Variants in ADAT1 observed in about 807,000 individuals in gnomAD.
ADAT1 encodes the protein tRNA-specific adenosine deaminase 1.
Under a neutral mutation model 58.6 loss-of-function variants are expected in ADAT1, and 58 were observed. The observed-to-expected ratio is 0.99, with a 90% CI of 0.80 to 1.23. The LOEUF is 1.23. Ranked by LOEUF, ADAT1 falls within the 50% of genes most tolerant of loss-of-function variation. The pLI, the probability that ADAT1 is intolerant of heterozygous loss-of-function variation, is 0.00. For synonymous variants in ADAT1, 254 were observed against 220.8 expected, an observed-to-expected ratio of 1.15 and a Z score of -1.33; for missense variants, 741 against 608.6, an observed-to-expected ratio of 1.22 and a Z score of -2.29.
chr16:75,617,392 A>C, intron 4 of ADAT1, 120 bp from the exon 5 acceptor site: 1 of 1,068,890 alleles, frequency 9.4e-7, no homozygotes. Flanking sequence ...AGTGATGGGG[A>C]ATTATGAGAA....
chr16:75,607,611 C>T (rs976335426), intron 8 of ADAT1, among the ~76,000 whole-genome samples: 7 of 152,086 alleles, frequency 4.6e-5, no homozygotes, highest in African/African-American at 1.7e-4. Flanking sequence ...AATTGGAACT[C>T]TAATACATTG....
chr16:75,600,914 ACT>A (rs984245487), intron 9 of ADAT1, among the ~76,000 whole-genome samples: 5 of 152,152 alleles, frequency 3.3e-5, no homozygotes, highest in African/African-American at 1.2e-4. Context: ...TCCTAGAGCA[ACT>A]CTGTCTCCTT....
chr16:75,614,785 C>T (rs1341444015), intron 5 of ADAT1, among the ~76,000 whole-genome samples: 1 of 152,206 alleles, frequency 6.6e-6, no homozygotes, highest in Non-Finnish European at 1.5e-5. Flanking sequence ...CAGAGAGGCA[C>T]ATTCTCTAGG....
In ADAT1 at chr16:75,599,672, G is replaced by C. The variant is rs932726485; in HGVS notation, c.*544C>G. On this transcript the variant is annotated 3_prime_UTR_variant, in exon 10 of 10. Coordinates refer to ENST00000564657, the MANE Select transcript of ADAT1 (RefSeq NM_001324445.2). Reference sequence around the variant, plus strand: ...TACCTCTGAGAACAAGTCCAGGGCAGTCCAGGGCTGGCTCACAGGCTATTC... The same window carrying C: ...TACCTCTGAGAACAAGTCCAGGGCACTCCAGGGCTGGCTCACAGGCTATTC... The C allele has an allele frequency of 1.0e-6, 1 of 986,928 alleles. No individual in the cohort carries two copies. The allele number at this position is 986,928 out of a possible 1,614,324, so 61.1% of individuals were successfully genotyped here.
chr16:75,615,480 T>TTAA (rs1567479861), intron 5 of ADAT1, among the ~76,000 whole-genome samples: 6 of 32,944 alleles, frequency 1.8e-4, no homozygotes. Flanking sequence ...GTTGATGAGC[T>TTAA]AAAAAAAAAA....
intron 4 of ADAT1, among the ~76,000 whole-genome samples, chr16:75,617,559 A>T (rs1026451917): frequency 6.6e-6 from 1 of 151,770 alleles, no homozygotes; most frequent in African/African-American, 2.4e-5. Context: ...GCTTAAGCCC[A>T]GGAGTTTGAG....
chr16:75,604,456 A>AAAAAAATAT (rs1555508674), intron 8 of ADAT1, among the ~76,000 whole-genome samples: 31 of 48,774 alleles, frequency 6.4e-4, no homozygotes, highest in African/African-American at 9.8e-4. Context: ...AAAAAAAAAA[A>AAAAAAATAT]ATATATATAT....
chr16:75,617,375 G>T, intron 4 of ADAT1, 103 bp from the exon 5 acceptor site: 1 of 1,264,094 alleles, frequency 7.9e-7, no homozygotes, highest in Non-Finnish European at 1.1e-6. Flanking sequence ...AGACTAATGG[G>T]ACTGGTAGTG....
At chr16:75,600,611 C>T (rs956512939) in intron 9 of ADAT1, among the ~76,000 whole-genome samples, 1 of 152,220 alleles carries the variant, frequency 6.6e-6, no homozygotes, top group African/African-American at 2.4e-5. Context: ...AGCCTGGCTG[C>T]TAAAACTGCC....
intron 6 of ADAT1, 112 bp downstream of exon 6, chr16:75,612,130 TG>T (rs2081557373): frequency 2.5e-6 from 3 of 1,204,182 alleles, no homozygotes; most frequent in East Asian, 2.4e-5. Context: ...GACAAATTCC[TG>T]GAAGTGGAAC....
At chr16:75,619,863 C>A in intron 3 of ADAT1, 1 of 239,530 alleles carries the variant, frequency 4.2e-6, no homozygotes, top group South Asian at 4.2e-5. Flanking sequence ...CATTGCACTC[C>A]AGCCTGGGTG....
intron 8 of ADAT1, among the ~76,000 whole-genome samples, chr16:75,605,890 T>C (rs1597098973): frequency 1.4e-5 from 2 of 142,772 alleles, no homozygotes. Context: ...TGAGCCAAGA[T>C]CGTGCTACTG....
intron 8 of ADAT1, among the ~76,000 whole-genome samples, chr16:75,606,723 C>G (rs895777681): frequency 1.3e-5 from 2 of 152,210 alleles, no homozygotes; most frequent in Admixed American, 1.3e-4. Context: ...CTTAGCTAAG[C>G]TCCTCAATTC....
In ADAT1 at chr16:75,623,260, A is replaced by G. The variant is rs879858490; in HGVS notation, c.-879T>C. 1.3e-5 allele frequency: 2 copies of G among 152,100 alleles called. No individual in the cohort carries two copies. Among genetic ancestry groups the G allele is most frequent in the Non-Finnish European group, 2.9e-5 (2 of 68,082 alleles). The allele number at this position is 152,100 out of a possible 1,614,324, so 9.4% of individuals were successfully genotyped here. Reference sequence around the variant, plus strand: ...CACCTTCAGGAAACGCGCCTAGAAGAAAGCGAGCTTAATCCGCCGGTAAGG... The same window carrying G: ...CACCTTCAGGAAACGCGCCTAGAAGGAAGCGAGCTTAATCCGCCGGTAAGG... On this transcript the variant is annotated 5_prime_UTR_variant, in exon 1 of 10. Transcript: ENST00000564657.
intron 8 of ADAT1, among the ~76,000 whole-genome samples, chr16:75,604,432 C>CAAAAAAAAA (rs869079388): frequency 3.8e-4 from 3 of 7,940 alleles, no homozygotes; most frequent in African/African-American, 8.1e-4. Context: ...GATTCTGTCT[C>CAAAAAAAAA]AAAAAAAAAA....
In ADAT1 at chr16:75,612,552, C is replaced by T; in HGVS notation, c.734G>A (p.Arg245Lys). 6.2e-7 allele frequency: 1 copy of T among 1,614,144 alleles called. No homozygotes were observed. Among genetic ancestry groups the T allele is most frequent in the South Asian group, 1.1e-5 (1 of 91,082 alleles). Residue 245 changes from arginine (R) to lysine (K), a missense_variant, in exon 6 of 10, where the codon AGA becomes AAA. Transcript: ENST00000564657. ...CACTTTGGCACTACCAGGGGCTATT[C>T]TGGTGACAGTAGCCAGTCCCTCTAC... Reference protein sequence around the residue: ...LTVEGLATVTRIAPGSAKVID... With the variant: ...LTVEGLATVTKIAPGSAKVID...
chr16:75,600,264 C>G lies in ADAT1; in HGVS notation c.1461G>C (p.Val487=). ...QEAWSTLRKQ[V]FGSWIRNPPD... is the part of the protein sequence containing the mutation. ...GTGGGTTTCTGATCCAGGATCCAAACACCTGCTTCCGGAGTGTGCTCCAGG... is the reference window on the plus strand; with the variant it reads ...GTGGGTTTCTGATCCAGGATCCAAAGACCTGCTTCCGGAGTGTGCTCCAGG... Residue 487 remains valine (V), a synonymous_variant, in exon 10 of 10, where the codon GTG becomes GTC. Transcript: ENST00000564657. 6.2e-7 allele frequency: 1 copy of G among 1,614,174 alleles called. No individual in the cohort carries two copies. Among genetic ancestry groups the G allele is most frequent in the Non-Finnish European group, 8.5e-7 (1 of 1,180,012 alleles).
chr16:75,621,479 G>A (rs1263805294), intron 1 of ADAT1, among the ~76,000 whole-genome samples: 3 of 151,934 alleles, frequency 2.0e-5, no homozygotes, highest in African/African-American at 7.2e-5. Context: ...TTCCTCATCT[G>A]TCAAAATAGT....
chr16:75,618,560 A>AC, intron 4 of ADAT1, 26 bp downstream of exon 4: 2 of 1,532,248 alleles, frequency 1.3e-6, no homozygotes, highest in Non-Finnish European at 1.8e-6. Flanking sequence ...GTCCTGCTGA[A>AC]CCATACTCTG....
Sources: allele counts gnomAD v4.1 joint callset (sites outside exome capture counted in the v4.1 genomes callset), GRCh38; gene constraint gnomAD v4.1.1; transcripts MANE v1.5; gene names NCBI Gene and HGNC (gene_info 2026-07-23, HGNC 2026-07-21).